The following ODF2L variants were observed in gnomAD, a reference collection of about 807,000 sequenced individuals.
The protein encoded by ODF2L is protein BCAP.
In ODF2L, 76 loss-of-function variants were observed where a neutral mutation model predicts 86.3. The observed-to-expected ratio is 0.88, with a 90% CI of 0.73 to 1.07. The LOEUF is 1.07. Ranked by LOEUF, ODF2L falls within the 50% of genes least tolerant of loss-of-function variation. The probability of loss-of-function intolerance (pLI) is 0.00; values close to 1 mark genes in which losing one functional copy is unlikely to be tolerated. For missense variants in ODF2L, 748 were observed against 717.4 expected, an observed-to-expected ratio of 1.04 and a Z score of -0.49; for synonymous variants, 241 against 231.3, an observed-to-expected ratio of 1.04 and a Z score of -0.38.
At chr1:86,395,388 C>T (rs574002846) in intron 1 of ODF2L, among the ~76,000 whole-genome samples, 101 of 152,216 alleles carry the variant, frequency 6.6e-4, no homozygotes, top group African/African-American at 2.4e-3. Flanking sequence ...TTACAACCAC[C>T]CCAAAGTGAT....
chr1:86,379,883 C>T (rs559914053), intron 7 of ODF2L, among the ~76,000 whole-genome samples: 100 of 152,194 alleles, frequency 6.6e-4, no homozygotes, highest in African/African-American at 2.4e-3. Flanking sequence ...ATGACTATCT[C>T]TTTGGCATAC....
intron 1 of ODF2L, among the ~76,000 whole-genome samples, chr1:86,394,117 G>C (rs1442211238): frequency 3.3e-5 from 5 of 152,070 alleles, no homozygotes; most frequent in Non-Finnish European, 7.4e-5. Flanking sequence ...AGCTTCACAA[G>C]GTTGTTATTA....
intron 1 of ODF2L, among the ~76,000 whole-genome samples, chr1:86,387,357 ATTTCTTGAAG>A (rs1222749483): frequency 6.6e-6 from 1 of 152,148 alleles, no homozygotes; most frequent in Non-Finnish European, 1.5e-5. Flanking sequence ...TTATTAGTCT[ATTTCTTGAAG>A]TATTACAATA....
At chr1:86,368,080 C>G (rs1220346747) in intron 11 of ODF2L, among the ~76,000 whole-genome samples, 1 of 152,164 alleles carries the variant, frequency 6.6e-6, no homozygotes, top group Non-Finnish European at 1.5e-5. Context: ...GTACACAGCA[C>G]TCTACATAAA....
At chr1:86,366,029 G>A (rs530025901) in intron 11 of ODF2L, among the ~76,000 whole-genome samples, 5 of 152,224 alleles carry the variant, frequency 3.3e-5, no homozygotes, top group East Asian at 3.9e-4. Flanking sequence ...GAGCAAAGAC[G>A]CATGTATTTT....
At chr1:86,360,711 T>A (rs1658971194) in intron 11 of ODF2L, 175 bp from the exon 11 acceptor site, 1 of 410,276 alleles carries the variant, frequency 2.4e-6, no homozygotes, top group African/African-American at 2.1e-5. Flanking sequence ...GACTAATAAT[T>A]ATGAACATCC....
At chr1:86,358,110 G>C in intron 13 of ODF2L, 5 of 985,060 alleles carry the variant, frequency 5.1e-6, no homozygotes, top group Non-Finnish European at 6.0e-6. Flanking sequence ...TCAATCCTAA[G>C]ATAGGGAGCA....
At chr1:86,352,194 T>A (rs1557999512) in exon 18 of ODF2L, 4 of 1,518,284 alleles carry the variant, frequency 2.6e-6, no homozygotes, top group South Asian at 1.3e-5. Flanking sequence ...ATAGATTTCA[T>A]GGAGTCTCTG....
chr1:86,383,676 A>G (rs191339795), intron 4 of ODF2L, among the ~76,000 whole-genome samples: 83 of 151,894 alleles, frequency 5.5e-4, no homozygotes, highest in African/African-American at 1.7e-3. Context: ...CTGCTTTAGA[A>G]TGTGAAAAAG....
chr1:86,393,986 C>A (rs572600499), intron 1 of ODF2L, among the ~76,000 whole-genome samples: 7 of 152,230 alleles, frequency 4.6e-5, no homozygotes, highest in Admixed American at 4.6e-4. Context: ...TTGTCTAATC[C>A]CAAATAAAGT....
chr1:86,358,603 TAAAC>T (rs1658771639), intron 13 of ODF2L, 180 bp downstream of exon 12: 4 of 301,608 alleles, frequency 1.3e-5, no homozygotes, highest in African/African-American at 2.2e-5. Context: ...AACATTCACA[TAAAC>T]AAACAACATT....
Position 86,376,231 on chromosome 1 carries a change from A to G in ODF2L, c.810+2T>C, listed in dbSNP as rs1197705667. ...AATTTTAAAAAGAATGCATTTACATACCTGATCTCTAATTTGGGAAGTAAG... is the reference window on the plus strand; with the variant it reads ...AATTTTAAAAAGAATGCATTTACATGCCTGATCTCTAATTTGGGAAGTAAG... On this transcript the variant is annotated splice_donor_variant, in intron 8 of 17. Coordinates refer to ENST00000317336, the Ensembl canonical transcript of ODF2L. LOFTEE classifies it high-confidence loss of function. 6.3e-7 allele frequency: 1 copy of G among 1,576,404 alleles called. No homozygotes were observed. Among genetic ancestry groups the G allele is most frequent in the East Asian group, 2.2e-5 (1 of 44,582 alleles).
intron 2 of ODF2L, 169 bp downstream of exon 2, chr1:86,386,746 G>A: frequency 2.3e-6 from 1 of 430,144 alleles, no homozygotes. Context: ...AATTCTGCTA[G>A]ATGAGTACAC....
chr1:86,392,333 C>T (rs1661391423), intron 1 of ODF2L, among the ~76,000 whole-genome samples: 1 of 152,080 alleles, frequency 6.6e-6, no homozygotes, highest in Non-Finnish European at 1.5e-5. Flanking sequence ...CCACTACTAG[C>T]CACCTACCCA....
At chr1:86,383,862 T>C (rs959310058) in intron 4 of ODF2L, among the ~76,000 whole-genome samples, 4 of 151,722 alleles carry the variant, frequency 2.6e-5, no homozygotes, top group Admixed American at 6.6e-5. Context: ...TGAGAAAATA[T>C]TGATGATACA....
rs1301891879 is a variant in ODF2L, at chr1:86,365,758, C to T, written c.1143+2878G>A. On this transcript the variant is annotated intron_variant, in intron 11 of 17. Coordinates refer to ENST00000317336, the Ensembl canonical transcript of ODF2L. Reference sequence around the variant, plus strand: ...ATGAATCAGGAGTGGATTTAGCTAACGAGGAAGTTCATCTATCTGTAGAAT... The same window carrying T: ...ATGAATCAGGAGTGGATTTAGCTAATGAGGAAGTTCATCTATCTGTAGAAT... Among the ~76,000 whole-genome samples, 7 of 152,074 alleles carry T rather than the reference C, an allele frequency of 4.6e-5. No individual in the cohort carries two copies. The East Asian group carries it at 5.8e-4, about 13-fold the overall frequency.
intron 14 of ODF2L, chr1:86,355,263 G>C (rs1658453159): frequency 2.3e-6 from 2 of 858,892 alleles, no homozygotes; most frequent in Non-Finnish European, 3.7e-6. Context: ...TAATAATTGA[G>C]TATCTGTGAA....
At chr1:86,391,768 C>T (rs571944620) in intron 1 of ODF2L, among the ~76,000 whole-genome samples, 1 of 151,986 alleles carries the variant, frequency 6.6e-6, no homozygotes, top group Admixed American at 6.5e-5. Context: ...ATCAGAAAAA[C>T]CCTTCTAGAT....
intron 1 of ODF2L, among the ~76,000 whole-genome samples, chr1:86,388,469 A>G (rs1661095338): frequency 6.6e-6 from 1 of 152,082 alleles, no homozygotes; most frequent in Non-Finnish European, 1.5e-5. Flanking sequence ...TGTCTTTTTT[A>G]TATTTGAATC....
Sources: gnomAD v4.1 joint callset for allele counts (sites outside exome capture counted in the v4.1 genomes callset) on GRCh38, gnomAD v4.1.1 for gene constraint, MANE v1.5 for transcripts, NCBI Gene and HGNC (gene_info 2026-07-23, HGNC 2026-07-21) for gene names.